ACCSL: variants seen among roughly 807,000 people sequenced by gnomAD.
ACCSL encodes the protein probable inactive 1-aminocyclopropane-1-carboxylate synthase-like protein 2.
ACCSL carries 55 observed loss-of-function variants against 61.7 expected under a neutral mutation model. The ratio of observed to expected loss-of-function variants is 0.89; its 90% CI spans 0.72 to 1.12. The LOEUF is 1.12. ACCSL is among the 50% of genes most tolerant of loss of function. The pLI is 0.00. For synonymous variants in ACCSL, 258 were observed against 264.3 expected (o/e 0.98, Z 0.23); for missense variants, 632 against 698.0 (o/e 0.91, Z 1.07).
the ACCSL span, among the ~76,000 whole-genome samples, chr11:43,996,086 G>A: frequency 1.3e-5 from 2 of 152,314 alleles, no homozygotes; most frequent in South Asian, 2.1e-4. Flanking sequence ...GCCAAGGAAG[G>A]TCTGAGGCTC....
the ACCSL span, among the ~76,000 whole-genome samples, chr11:43,974,365 T>C: frequency 6.6e-6 from 1 of 152,230 alleles, no homozygotes; most frequent in African/African-American, 2.4e-5. Flanking sequence ...TATCACTCTT[T>C]ATCTCTACCT....
Position 44,050,123 on chromosome 11 carries a change from T to C in ACCSL, c.564+2T>C, listed in dbSNP as rs780860183. 1 of 1,613,280 alleles carries C rather than the reference T, an allele frequency of 6.2e-7. No homozygotes were observed. Among genetic ancestry groups the C allele is most frequent in the Non-Finnish European group, 8.5e-7 (1 of 1,179,398 alleles). ...TGCATGGATCTGATGACTGAAAGAG[T>C]AAGGATGTTCTGGGCTGTGTTGGGA... is the stretch of plus-strand genomic sequence containing the variant. On this transcript the variant is annotated splice_donor_variant, in intron 2 of 13. Coordinates refer to ENST00000378832, the MANE Select transcript of ACCSL (RefSeq NM_001031854.2). LOFTEE classifies it high-confidence loss of function.
chr11:44,049,560 G>T (rs1161404744), intron 1 of ACCSL, among the ~76,000 whole-genome samples: 1 of 151,214 alleles, frequency 6.6e-6, no homozygotes, highest in African/African-American at 2.4e-5. Context: ...TTCCCCTTCT[G>T]TTCCTATCTC....
chr11:44,001,054 T>TATG, the ACCSL span: 2 of 152,182 alleles, frequency 1.3e-5, no homozygotes, highest in Non-Finnish European at 2.9e-5. Context: ...TGATAGCCAT[T>TATG]ATTATTGTTA....
chr11:44,029,033 A>T, the ACCSL span, among the ~76,000 whole-genome samples: 1 of 152,200 alleles, frequency 6.6e-6, no homozygotes, highest in African/African-American at 2.4e-5. Context: ...TGCTGAGCAC[A>T]CTGTCACCAC....
the ACCSL span, among the ~76,000 whole-genome samples, chr11:43,989,895 C>G: frequency 6.6e-6 from 1 of 152,258 alleles, no homozygotes. Context: ...AGAACGCTGG[C>G]GGCCCCGCCA....
chr11:43,933,016 A>T, the ACCSL span: 1 of 453,526 alleles, frequency 2.2e-6, no homozygotes, highest in Non-Finnish European at 4.4e-6. Flanking sequence ...GGGGCTTGGT[A>T]CTACCTGGGA....
chr11:43,957,446 A>G, the ACCSL span, among the ~76,000 whole-genome samples: 1 of 152,138 alleles, frequency 6.6e-6, no homozygotes, highest in African/African-American at 2.4e-5. Context: ...TGTGGAAGCC[A>G]AGGTGCTTAT....
the ACCSL span, among the ~76,000 whole-genome samples, chr11:43,924,377 G>A: frequency 6.6e-6 from 1 of 152,220 alleles, no homozygotes; most frequent in Admixed American, 6.5e-5. Flanking sequence ...GAGCGCTGCA[G>A]CCAGAGCCTC....
chr11:44,054,797 G>A (rs1047922427), intron 8 of ACCSL, among the ~76,000 whole-genome samples: 2 of 152,088 alleles, frequency 1.3e-5, no homozygotes, highest in Non-Finnish European at 2.9e-5. Flanking sequence ...CAGTACTGAG[G>A]GTTGTTGGGA....
chr11:43,937,571 C>A, the ACCSL span, among the ~76,000 whole-genome samples: 1 of 152,156 alleles, frequency 6.6e-6, no homozygotes, highest in Non-Finnish European at 1.5e-5. Context: ...TTCCTCCTAC[C>A]CTGTTGAACA....
chr11:44,059,806 T>A, intron 13 of ACCSL, 32 bp from the exon 14 acceptor site: 1 of 1,601,298 alleles, frequency 6.2e-7, no homozygotes, highest in African/African-American at 1.3e-5. Flanking sequence ...ACTAAATCAC[T>A]ATTTCTCTCT....
the ACCSL span, among the ~76,000 whole-genome samples, chr11:43,945,890 G>A: frequency 6.6e-6 from 1 of 152,062 alleles, no homozygotes; most frequent in Non-Finnish European, 1.5e-5. Flanking sequence ...ACCTCCTGCT[G>A]CCTTCAGCCC....
chr11:44,011,444 C>T, the ACCSL span, among the ~76,000 whole-genome samples: 1 of 152,178 alleles, frequency 6.6e-6, no homozygotes, highest in East Asian at 1.9e-4. Flanking sequence ...GCACTTAGCA[C>T]AAAGCATGGA....
the ACCSL span, among the ~76,000 whole-genome samples, chr11:43,953,245 T>TGGCTCACA: frequency 1.3e-5 from 2 of 152,118 alleles, no homozygotes; most frequent in East Asian, 3.9e-4. Context: ...CCAGGTGTGG[T>TGGCTCACA]GGCTCACACC....
chr11:43,925,353 G>T, the ACCSL span: 3 of 455,986 alleles, frequency 6.6e-6, no homozygotes, highest in Admixed American at 4.7e-5. Flanking sequence ...TGGGAAACAA[G>T]CAGCCCCAGA....
the ACCSL span, among the ~76,000 whole-genome samples, chr11:44,030,511 C>T: frequency 6.6e-6 from 1 of 151,962 alleles, no homozygotes; most frequent in Non-Finnish European, 1.5e-5. Flanking sequence ...AGCCAAGGCA[C>T]AGGACTGCGT....
the ACCSL span, among the ~76,000 whole-genome samples, chr11:43,934,060 C>A: frequency 2.6e-5 from 4 of 151,952 alleles, no homozygotes; most frequent in African/African-American, 9.7e-5. Flanking sequence ...TCCCTGGACC[C>A]TCTCCCTCCC....
At chr11:43,975,489 G>A in the ACCSL span, among the ~76,000 whole-genome samples, 1,284 of 152,272 alleles carry the variant, frequency 8.4e-3, 12 homozygotes, top group African/African-American at 0.029. Context: ...TTGAGGTTGT[G>A]TCTGACAGAT....
Sources: gnomAD v4.1 joint callset for allele counts (sites outside exome capture counted in the v4.1 genomes callset) on GRCh38, gnomAD v4.1.1 for gene constraint, MANE v1.5 for transcripts, NCBI Gene and HGNC (gene_info 2026-07-23, HGNC 2026-07-21) for gene names.